Variants in NALF1 observed in about 807,000 individuals in gnomAD.
NALF1 encodes family with sequence similarity 155 member A.
A neutral mutation model predicts 48.4 loss-of-function variants in NALF1; 3 were observed. The ratio of observed to expected loss-of-function variants is 0.06; its 90% CI spans 0.03 to 0.16. The LOEUF (loss-of-function observed/expected upper bound fraction) is 0.16. Among genes scored for constraint, NALF1 ranks in the 10% least tolerant of loss-of-function variants. The pLI, the probability that NALF1 is intolerant of heterozygous loss-of-function variation, is 1.00. For missense variants in NALF1, 526 were observed against 571.5 expected (o/e 0.92, Z 0.81); for synonymous variants, 262 against 245.7 (o/e 1.07, Z -0.62).
At chr13:107,760,863 G>A (rs973011486) in intron 1 of NALF1, among the ~76,000 whole-genome samples, 10 of 152,128 alleles carry the variant, frequency 6.6e-5, no homozygotes, top group Admixed American at 2.0e-4. Context: ...TTTTGCAGTA[G>A]TAGTTGAGTC....
At chr13:107,331,990 T>C (rs749166485) in intron 1 of NALF1, among the ~76,000 whole-genome samples, 20 of 152,214 alleles carry the variant, frequency 1.3e-4, no homozygotes, top group Middle Eastern at 3.4e-3. Flanking sequence ...TTTTTGAAAA[T>C]AGATTCATAA....
chr13:107,236,627 G>C, intron 1 of NALF1, among the ~76,000 whole-genome samples: 1 of 152,066 alleles, frequency 6.6e-6, no homozygotes, highest in East Asian at 1.9e-4. Context: ...TCATCTCCCT[G>C]TTTGGTAGCT....
In NALF1 at chr13:107,362,440, G is replaced by A. The variant is rs1594137413; in HGVS notation, c.916-151685C>T. Among the ~76,000 whole-genome samples the A allele has an allele frequency of 6.6e-6, 1 of 152,214 alleles. No homozygotes were observed. Among genetic ancestry groups the A allele is most frequent in the East Asian group, 1.9e-4 (1 of 5,164 alleles). ...TCGCTTGCCTCCTCCTGACTTTGGA[G>A]GTATCAGGCAATCGGTGACATCTCT... On this transcript the variant is annotated intron_variant, in intron 1 of 2. Coordinates refer to ENST00000375915, the MANE Select transcript of NALF1 (RefSeq NM_001080396.3). The surrounding 1 kb of genome is among the most constrained non-coding windows in gnomAD (Gnocchi z 4.6).
chr13:107,365,234 C>A (rs1306920776), intron 1 of NALF1, among the ~76,000 whole-genome samples: 2 of 151,684 alleles, frequency 1.3e-5, no homozygotes, highest in African/African-American at 2.4e-5. Context: ...TGAAAAGGCA[C>A]AGAAAAAGCC....
chr13:107,224,760 T>C (rs1269649210), intron 1 of NALF1, among the ~76,000 whole-genome samples: 1 of 152,094 alleles, frequency 6.6e-6, no homozygotes, highest in African/African-American at 2.4e-5. Flanking sequence ...GTGATACAAA[T>C]TGCACTTTTT....
intron 1 of NALF1, among the ~76,000 whole-genome samples, chr13:107,762,495 C>G (rs1036572829): frequency 2.0e-5 from 3 of 151,810 alleles, no homozygotes; most frequent in Admixed American, 1.3e-4. Context: ...GCACCCCAGG[C>G]AATGAGAAGG....
intron 1 of NALF1, among the ~76,000 whole-genome samples, chr13:107,717,292 C>T (rs1875850421): frequency 6.6e-6 from 1 of 152,124 alleles, no homozygotes; most frequent in Non-Finnish European, 1.5e-5. Flanking sequence ...TACGAGTTCC[C>T]CAAGTGTGGT....
chr13:107,760,583 T>C (rs1038634589), intron 1 of NALF1, among the ~76,000 whole-genome samples: 1 of 152,226 alleles, frequency 6.6e-6, no homozygotes, highest in Non-Finnish European at 1.5e-5. Context: ...AGCAAGTCAC[T>C]GAGGCTCTTT....
chr13:107,781,149 A>T (rs1877874927), intron 1 of NALF1, among the ~76,000 whole-genome samples: 1 of 152,212 alleles, frequency 6.6e-6, no homozygotes, highest in Admixed American at 6.5e-5. Context: ...AGTATTGTCT[A>T]TGCTAATATT....
At chr13:107,537,750 G>A (rs1392527821) in intron 1 of NALF1, among the ~76,000 whole-genome samples, 1 of 152,120 alleles carries the variant, frequency 6.6e-6, no homozygotes, top group Non-Finnish European at 1.5e-5. Flanking sequence ...GGGCATGGTG[G>A]CTCATGCCTA....
intron 1 of NALF1, among the ~76,000 whole-genome samples, chr13:107,428,563 A>G (rs1884321079): frequency 6.6e-6 from 1 of 152,196 alleles, no homozygotes; most frequent in Non-Finnish European, 1.5e-5. Flanking sequence ...GAATCAGGAA[A>G]CAGCCCTAGA....
chr13:107,329,831 A>G (rs569448942), intron 1 of NALF1, among the ~76,000 whole-genome samples: 1 of 152,270 alleles, frequency 6.6e-6, no homozygotes, highest in East Asian at 1.9e-4. Flanking sequence ...AAAAGACATG[A>G]ACTCATCATT....
chr13:107,826,537 G>A (rs1879527077), intron 1 of NALF1, among the ~76,000 whole-genome samples: 1 of 152,264 alleles, frequency 6.6e-6, no homozygotes, highest in African/African-American at 2.4e-5. Flanking sequence ...GCTGAATGGT[G>A]AAGCAGAATG....
intron 1 of NALF1, among the ~76,000 whole-genome samples, chr13:107,243,381 G>A (rs775560053): frequency 2.0e-5 from 3 of 152,096 alleles, no homozygotes; most frequent in Admixed American, 6.5e-5. Flanking sequence ...TGATTTCAGC[G>A]CATCCCCAGC....
intron 2 of NALF1, among the ~76,000 whole-genome samples, chr13:107,183,569 A>G (rs1033915759): frequency 6.6e-6 from 1 of 152,206 alleles, no homozygotes. Flanking sequence ...CACTGTTCAC[A>G]ATAGCAAAGA....
rs778438919 is a variant in NALF1, at chr13:107,865,777, G to T, written c.820C>A (p.His274Asn). The T allele has an allele frequency of 6.2e-7, 1 of 1,614,074 alleles. No individual in the cohort carries two copies. Among genetic ancestry groups the T allele is most frequent in the East Asian group, 2.2e-5 (1 of 44,842 alleles). The change falls in exon 1 of 3, where the codon CAT (histidine) becomes AAT (asparagine). Residue 274 changes from histidine to asparagine, a missense_variant. Coordinates refer to ENST00000375915, the MANE Select transcript of NALF1 (RefSeq NM_001080396.3). Reference sequence around the variant, plus strand: ...AACTCTTCGTATTTCTCCTGAGCATGGTGGTCATAGTCCTGGTAAGCCTCG... The same window carrying T: ...AACTCTTCGTATTTCTCCTGAGCATTGTGGTCATAGTCCTGGTAAGCCTCG... ...CVEAYQDYDHHAQEKYEEFES... is the reference protein window; with the variant it reads ...CVEAYQDYDHNAQEKYEEFES...
intron 1 of NALF1, among the ~76,000 whole-genome samples, chr13:107,616,152 G>A (rs1021066056): frequency 5.3e-5 from 8 of 152,206 alleles, no homozygotes; most frequent in Admixed American, 1.3e-4. Flanking sequence ...GAAACTTCCT[G>A]GAAAAGAAAC....
chr13:107,713,647 T>C lies in NALF1; in HGVS notation c.915+152035A>G, dbSNP rs16970971. On this transcript the variant is annotated intron_variant, in intron 1 of 2. Coordinates refer to ENST00000375915, the MANE Select transcript of NALF1 (RefSeq NM_001080396.3). ...GTGCTATTATACTCTTACCTCAATT[T>C]GGCAACTCAGTCTCTGTTTTACTTA... Among the ~76,000 whole-genome samples the C allele has an allele frequency of 0.028, 4,225 of 152,328 alleles. 359 individuals carry two copies. The East Asian group carries it at 0.32, about 12-fold the overall frequency.
chr13:107,510,663 T>C (rs1386746062), intron 1 of NALF1, among the ~76,000 whole-genome samples: 1 of 152,092 alleles, frequency 6.6e-6, no homozygotes, highest in Non-Finnish European at 1.5e-5. Flanking sequence ...CACCGTAGAG[T>C]TTGCCTTGTG....
Sources: allele counts gnomAD v4.1 joint callset (sites outside exome capture counted in the v4.1 genomes callset), GRCh38; gene constraint gnomAD v4.1.1; non-coding constraint Gnocchi (gnomAD v3.1); transcripts MANE v1.5; gene names NCBI Gene and HGNC (gene_info 2026-07-23, HGNC 2026-07-21).